GRAMD1C: variants seen among roughly 807,000 people sequenced by gnomAD.
GRAMD1C encodes the protein protein Aster-C.
In GRAMD1C, 89 loss-of-function variants were observed where a neutral mutation model predicts 97.8. The observed-to-expected ratio is 0.91, with a 90% CI of 0.77 to 1.09. The LOEUF is 1.09. GRAMD1C is among the 50% of genes least tolerant of loss of function. The probability of loss-of-function intolerance (pLI) is 0.00; values close to 1 mark genes in which losing one functional copy is unlikely to be tolerated. For synonymous variants in GRAMD1C, 256 were observed against 267.0 expected, an observed-to-expected ratio of 0.96 and a Z score of 0.40; for missense variants, 740 against 766.4, an observed-to-expected ratio of 0.97 and a Z score of 0.41.
chr3:113,897,828 T>A, intron 6 of GRAMD1C: 3 of 869,224 alleles, frequency 3.5e-6, no homozygotes, highest in Non-Finnish European at 4.1e-6. Context: ...GTGGTCAGCT[T>A]GTGTTTAAAA....
At chr3:113,849,296 TTTA>T (rs1202852376) in intron 2 of GRAMD1C, among the ~76,000 whole-genome samples, 1 of 149,816 alleles carries the variant, frequency 6.7e-6, no homozygotes, top group Non-Finnish European at 1.5e-5. Flanking sequence ...TATTTATTTA[TTTA>T]TTTATTTATT....
intron 1 of GRAMD1C, among the ~76,000 whole-genome samples, chr3:113,828,818 C>T (rs1439208870): frequency 6.6e-6 from 1 of 152,130 alleles, no homozygotes; most frequent in Non-Finnish European, 1.5e-5. Context: ...TCTGAACCAC[C>T]ACTCCTGTCA....
intron 6 of GRAMD1C, among the ~76,000 whole-genome samples, chr3:113,887,307 G>T (rs1291643723): frequency 6.6e-6 from 1 of 150,858 alleles, no homozygotes; most frequent in Non-Finnish European, 1.5e-5. Context: ...GGTCAGGCTG[G>T]CCTCTAACTT....
At position 113,869,568 on chromosome 3, in the gene GRAMD1C, CT is replaced by C. The variant is rs1279377020; in HGVS notation, c.237del (p.Asp80IlefsTer5). ...TACAGAAGACAGTTCACACATCTAC[CT>C]GATACAGAGAGGCTGATAGCAGGTA... The part of the protein sequence containing the change: ...EEYRRQFTHL[P>X]DTERLIADYA... On this transcript the variant is annotated frameshift_variant, in exon 3 of 18. Transcript: ENST00000358160. LOFTEE classifies it high-confidence loss of function. 1 of 1,531,370 alleles carries C rather than the reference CT, an allele frequency of 6.5e-7. No individual in the cohort carries two copies. Among genetic ancestry groups the C allele is most frequent in the East Asian group, 2.3e-5 (1 of 44,140 alleles). The allele number at this position is 1,531,370 out of a possible 1,614,324, so 94.9% of individuals were successfully genotyped here.
In GRAMD1C at chr3:113,936,441, A is replaced by G. The variant is rs752151354; in HGVS notation, c.1632A>G (p.Thr544=). Residue 544 remains threonine, a splice_region_variant and synonymous_variant, in exon 14 of 18, where the codon ACA becomes ACG. Coordinates refer to ENST00000358160, the MANE Select transcript of GRAMD1C (RefSeq NM_017577.5). Reference sequence around the variant, plus strand: ...GCTTAGGTGCCAAAGGGGATATTACAGGTAGTTGTCACCTGGTAAACAGAG... The same window carrying G: ...GCTTAGGTGCCAAAGGGGATATTACGGGTAGTTGTCACCTGGTAAACAGAG... The part of the protein sequence containing the change: ...DVGLGAKGDI[T]GKKKEMENYN... 3 of 1,589,688 alleles carry G rather than the reference A, an allele frequency of 1.9e-6. No homozygotes were observed. Among genetic ancestry groups the G allele is most frequent in the African/African-American group, 2.7e-5 (2 of 74,244 alleles).
chr3:113,835,908 C>T (rs76078350), upstream of GRAMD1C, among the ~76,000 whole-genome samples: 2,669 of 152,220 alleles, frequency 0.018, 75 homozygotes, highest in African/African-American at 0.059. Flanking sequence ...AGGATGGAAA[C>T]CTGTCTTTTA....
chr3:113,879,689 C>CTTTTTTTT, intron 5 of GRAMD1C, among the ~76,000 whole-genome samples: 1 of 131,954 alleles, frequency 7.6e-6, no homozygotes. Flanking sequence ...TGACCTCTTC[C>CTTTTTTTT]TTTTTTTTTT....
At chr3:113,857,176 C>CAA (rs71297435) in intron 2 of GRAMD1C, among the ~76,000 whole-genome samples, 3 of 151,546 alleles carry the variant, frequency 2.0e-5, no homozygotes, top group African/African-American at 4.9e-5. Flanking sequence ...AACAAACAAA[C>CAA]AAAAAAATAA....
chr3:113,849,140 T>C (rs1325165471), intron 2 of GRAMD1C, among the ~76,000 whole-genome samples: 2 of 152,138 alleles, frequency 1.3e-5, no homozygotes, highest in East Asian at 1.9e-4. Flanking sequence ...TTTAGCGATA[T>C]AGAGTAAGCA....
At chr3:113,918,006 A>T (rs886220497) in intron 10 of GRAMD1C, among the ~76,000 whole-genome samples, 1 of 151,944 alleles carries the variant, frequency 6.6e-6, no homozygotes, top group Non-Finnish European at 1.5e-5. Flanking sequence ...CCTGGCCTAG[A>T]CATAATTATA....
chr3:113,849,715 A>C (rs1051522886), intron 2 of GRAMD1C, among the ~76,000 whole-genome samples: 1 of 152,202 alleles, frequency 6.6e-6, no homozygotes, highest in African/African-American at 2.4e-5. Context: ...CAGGGCAACC[A>C]TCCGATTTCT....
At chr3:113,854,382 G>A (rs1934036605) in intron 2 of GRAMD1C, among the ~76,000 whole-genome samples, 1 of 152,078 alleles carries the variant, frequency 6.6e-6, no homozygotes, top group Non-Finnish European at 1.5e-5. Flanking sequence ...TTCAGGTGGT[G>A]GAGCAGAAAG....
At chr3:113,913,251 G>A (rs545824859) in intron 9 of GRAMD1C, 4 of 444,454 alleles carry the variant, frequency 9.0e-6, no homozygotes, top group African/African-American at 6.2e-5. Flanking sequence ...TCAGCTGGAT[G>A]TGGTGGCGCG....
At chr3:113,878,310 C>G (rs778419801) in intron 5 of GRAMD1C, among the ~76,000 whole-genome samples, 3 of 152,108 alleles carry the variant, frequency 2.0e-5, no homozygotes, top group Non-Finnish European at 2.9e-5. Context: ...TGTGTTTGAG[C>G]ATTTACCTAT....
At chr3:113,895,855 C>T (rs1361083179) in intron 6 of GRAMD1C, among the ~76,000 whole-genome samples, 3 of 152,176 alleles carry the variant, frequency 2.0e-5, no homozygotes, top group Non-Finnish European at 2.9e-5. Flanking sequence ...CCAAGGTCAT[C>T]ATCATTTCTA....
chr3:113,936,039 G>C (rs1937571981), intron 13 of GRAMD1C, among the ~76,000 whole-genome samples: 1 of 152,062 alleles, frequency 6.6e-6, no homozygotes. Flanking sequence ...AATTTGCTCT[G>C]ATGAGCCCAT....
intron 5 of GRAMD1C, among the ~76,000 whole-genome samples, chr3:113,881,914 C>G (rs1935278100): frequency 2.6e-5 from 4 of 152,130 alleles, no homozygotes. Context: ...ACTCTAAAGT[C>G]TTTCTGTGAA....
chr3:113,862,846 C>T (rs985332925), intron 2 of GRAMD1C, among the ~76,000 whole-genome samples: 2 of 152,122 alleles, frequency 1.3e-5, no homozygotes, highest in African/African-American at 2.4e-5. Flanking sequence ...TGGCTTCAGC[C>T]GGTCCCTCTG....
At chr3:113,940,028 C>A in intron 16 of GRAMD1C, 32 bp downstream of exon 16, 1 of 1,144,800 alleles carries the variant, frequency 8.7e-7, no homozygotes, top group Non-Finnish European at 1.3e-6. Flanking sequence ...CTGTATTCAC[C>A]ATATTATTTC....
Sources: allele counts gnomAD v4.1 joint callset (sites outside exome capture counted in the v4.1 genomes callset), GRCh38; gene constraint gnomAD v4.1.1; transcripts MANE v1.5; gene names NCBI Gene and HGNC (gene_info 2026-07-23, HGNC 2026-07-21).